MAP2K5: variants seen among roughly 807,000 people sequenced by gnomAD.
MAP2K5 encodes mitogen-activated protein kinase kinase 5.
Under a neutral mutation model 83.1 loss-of-function variants are expected in MAP2K5, and 49 were observed. The ratio of observed to expected loss-of-function variants is 0.59; its 90% confidence interval spans 0.47 to 0.75. The LOEUF is 0.75. MAP2K5 is among the 30% of genes least tolerant of loss of function. The probability of loss-of-function intolerance (pLI) is 0.00; values close to 1 mark genes in which losing one functional copy is unlikely to be tolerated. For missense variants in MAP2K5, 457 were observed against 557.5 expected (o/e 0.82, Z 1.82); for synonymous variants, 202 against 191.8 (o/e 1.05, Z -0.44).
At chr15:67,580,660 A>C (rs191319104) in intron 3 of MAP2K5, 94 bp from the exon 4 acceptor site, 337 of 798,872 alleles carry the variant, frequency 4.2e-4, no homozygotes, top group East Asian at 1.7e-3. Flanking sequence ...ATATACCAGC[A>C]ATTTACAAAA....
Position 67,748,165 on chromosome 15 carries a change from G to A in MAP2K5, c.1075-66G>A, listed in dbSNP as rs2089644876. 1 of 1,147,732 alleles carries A rather than the reference G, an allele frequency of 8.7e-7. No individual in the cohort carries two copies. Among genetic ancestry groups the A allele is most frequent in the Admixed American group, 1.8e-5 (1 of 54,454 alleles). 71.1% of individuals were successfully genotyped at this position (1,147,732 alleles called of 1,614,324 possible). ...AGCAATGCAATAATTTTCTCTCAGT[G>A]ATCATAATGTGTCCAAGTGAGTCAT... On this transcript the variant is annotated intron_variant, in intron 17 of 21. Coordinates refer to ENST00000178640, the MANE Select transcript of MAP2K5 (RefSeq NM_145160.3). This position sits in a 1 kb window ranked among gnomAD's most constrained non-coding sequence, Gnocchi z 4.0.
Position 67,636,422 on chromosome 15 carries a change from A to AG in MAP2K5, c.585+5496dup, listed in dbSNP as rs1456999233. Among the ~76,000 whole-genome samples, 3 of 151,738 alleles carry AG rather than the reference A, an allele frequency of 2.0e-5. No homozygotes were observed. Among genetic ancestry groups the AG allele is most frequent in the Non-Finnish European group, 4.4e-5 (3 of 67,932 alleles). On this transcript the variant is annotated intron_variant, in intron 9 of 21. Coordinates refer to ENST00000178640, the MANE Select transcript of MAP2K5 (RefSeq NM_145160.3). This position sits in a 1 kb window ranked among gnomAD's most constrained non-coding sequence, Gnocchi z 4.7. ...GACTCCGTCTCAAAAAAAAAAAAAA[A>AG]GTATGAAATATAGTTATAATAACTG...
intron 8 of MAP2K5, among the ~76,000 whole-genome samples, chr15:67,620,269 G>A (rs186891823): frequency 6.6e-6 from 1 of 152,266 alleles, no homozygotes; most frequent in Admixed American, 6.5e-5. Flanking sequence ...TATTCGGGAG[G>A]CTGAGGCAGG....
intron 1 of MAP2K5, 132 bp from the exon 2 acceptor site, chr15:67,549,902 A>T: frequency 1.5e-6 from 1 of 670,224 alleles, no homozygotes; most frequent in Non-Finnish European, 2.7e-6. Flanking sequence ...TGTGATTATG[A>T]GCTAATGTTT....
intron 5 of MAP2K5, 56 bp downstream of exon 5, chr15:67,585,986 C>A (rs763191987): frequency 1.5e-5 from 22 of 1,460,000 alleles, no homozygotes; most frequent in Non-Finnish European, 2.1e-5. Flanking sequence ...ATGCTGTGTT[C>A]CACTTATTGA....
Position 67,563,248 on chromosome 15 carries a change from A to C in MAP2K5, c.185-35A>C. The C allele has an allele frequency of 3.8e-6, 6 of 1,599,460 alleles. No homozygotes were observed. Among genetic ancestry groups the C allele is most frequent in the Non-Finnish European group, 5.1e-6 (6 of 1,175,456 alleles). ...TTCCCTTTGTGCATTAAACAAATGC[A>C]CACCTTATCATTTGCATTATGTGCT... On this transcript the variant is annotated intron_variant, in intron 2 of 21. Coordinates refer to ENST00000178640, the MANE Select transcript of MAP2K5 (RefSeq NM_145160.3). The surrounding 1 kb of genome is among the most constrained non-coding windows in gnomAD (Gnocchi z 4.5).
At chr15:67,549,019 A>C in intron 1 of MAP2K5, 1 of 1,449,166 alleles carries the variant, frequency 6.9e-7, no homozygotes, top group Non-Finnish European at 9.0e-7. Context: ...CACTCTGCTA[A>C]GTGCCCTGCT....
chr15:67,633,700 T>C (rs1379564016), intron 9 of MAP2K5, among the ~76,000 whole-genome samples: 1 of 152,222 alleles, frequency 6.6e-6, no homozygotes. Context: ...CTAGATTCTA[T>C]AAAATATAGT....
At chr15:67,784,299 G>A (rs2090378964) in intron 21 of MAP2K5, among the ~76,000 whole-genome samples, 1 of 152,226 alleles carries the variant, frequency 6.6e-6, no homozygotes, top group Admixed American at 6.5e-5. Flanking sequence ...TTGCATAGTA[G>A]GCAGAGGATT....
intron 9 of MAP2K5, chr15:67,642,582 G>C: frequency 1.2e-6 from 1 of 806,532 alleles, no homozygotes; most frequent in Non-Finnish European, 2.2e-6. Flanking sequence ...GGAGAAGAGA[G>C]AGGAAGCACA....
intron 15 of MAP2K5, among the ~76,000 whole-genome samples, chr15:67,694,559 A>G (rs2088198123): frequency 6.6e-6 from 1 of 152,190 alleles, no homozygotes; most frequent in Non-Finnish European, 1.5e-5. Context: ...CCACAATGAG[A>G]TACCATCTCA....
At position 67,573,431 on chromosome 15, in the gene MAP2K5, A is replaced by G. The variant is rs2084988266; in HGVS notation, c.253-7323A>G. ...GGGGCGGGAGTTGCCACACACTTTT[A>G]AACCATCAGATCTCGTGAGAATCCA... On this transcript the variant is annotated intron_variant, in intron 3 of 21. Transcript: ENST00000178640. This position sits in a 1 kb window ranked among gnomAD's most constrained non-coding sequence, Gnocchi z 4.2. Among the ~76,000 whole-genome samples, 1 of 152,042 alleles carries G rather than the reference A, an allele frequency of 6.6e-6. No individual in the cohort carries two copies. Among genetic ancestry groups the G allele is most frequent in the Non-Finnish European group, 1.5e-5 (1 of 68,000 alleles).
intron 16 of MAP2K5, among the ~76,000 whole-genome samples, chr15:67,718,796 T>C (rs543193829): frequency 6.6e-6 from 1 of 152,278 alleles, no homozygotes; most frequent in South Asian, 2.1e-4. Flanking sequence ...ATAGTAAGTG[T>C]ACATGTGTAT....
intron 6 of MAP2K5, among the ~76,000 whole-genome samples, chr15:67,590,484 T>TC (rs1555529592): frequency 2.1e-5 from 3 of 142,966 alleles, no homozygotes; most frequent in Non-Finnish European, 3.0e-5. Flanking sequence ...TCTTTGTTTC[T>TC]TTTTGAGACA....
chr15:67,548,431 A>G (rs140816025), intron 1 of MAP2K5, among the ~76,000 whole-genome samples: 25 of 152,362 alleles, frequency 1.6e-4, no homozygotes, highest in Admixed American at 1.5e-3. Context: ...TAAGCTTTGT[A>G]ATATTCCAGT....
Position 67,640,869 on chromosome 15 carries a change from T to C in MAP2K5, c.586-5362T>C, listed in dbSNP as rs183879055. 6.6e-6 allele frequency among the ~76,000 whole-genome samples: 1 copy of C among 152,332 alleles called. No individual in the cohort carries two copies. Among genetic ancestry groups the C allele is most frequent in the Non-Finnish European group, 1.5e-5 (1 of 68,024 alleles). ...TACCATGAATTTCTATTTTATACTA[T>C]TGAATTTAGAAAATGTTCTGCCTCA... On this transcript the variant is annotated intron_variant, in intron 9 of 21. Transcript: ENST00000178640. This position sits in a 1 kb window ranked among gnomAD's most constrained non-coding sequence, Gnocchi z 4.6.
In MAP2K5 at chr15:67,807,025, C is replaced by A; in HGVS notation, c.*275C>A. 1 of 1,331,604 alleles carries A rather than the reference C, an allele frequency of 7.5e-7. No homozygotes were observed. Among genetic ancestry groups the A allele is most frequent in the Non-Finnish European group, 9.9e-7 (1 of 1,007,082 alleles). 82.5% of individuals were successfully genotyped at this position (1,331,604 alleles called of 1,614,324 possible). On this transcript the variant is annotated 3_prime_UTR_variant, in exon 22 of 22. Coordinates refer to ENST00000178640, the MANE Select transcript of MAP2K5 (RefSeq NM_145160.3). The surrounding 1 kb of genome is among the most constrained non-coding windows in gnomAD (Gnocchi z 5.1). ...AGAATGGAGGCTCCCAGGGTCCCTGCCCACTTCTGTTTTCCTAATGTTTTT... is the reference window on the plus strand; with the variant it reads ...AGAATGGAGGCTCCCAGGGTCCCTGACCACTTCTGTTTTCCTAATGTTTTT...
rs1243650302 is a variant in MAP2K5, at chr15:67,780,421, C to T, written c.1242+7669C>T. Among the ~76,000 whole-genome samples, 1 of 152,178 alleles carries T rather than the reference C, an allele frequency of 6.6e-6. No individual in the cohort carries two copies. Among genetic ancestry groups the T allele is most frequent in the Non-Finnish European group, 1.5e-5 (1 of 68,034 alleles). ...CTTATAATTCAGTGCCTATCCTAGTCTGCTGTCATTTAGGCAAAACAGTGT... is the reference window on the plus strand; with the variant it reads ...CTTATAATTCAGTGCCTATCCTAGTTTGCTGTCATTTAGGCAAAACAGTGT... On this transcript the variant is annotated intron_variant, in intron 21 of 21. Transcript: ENST00000178640. This position sits in a 1 kb window ranked among gnomAD's most constrained non-coding sequence, Gnocchi z 5.0.
intron 13 of MAP2K5, among the ~76,000 whole-genome samples, chr15:67,666,134 C>G (rs1018766692): frequency 6.6e-6 from 1 of 152,096 alleles, no homozygotes; most frequent in Non-Finnish European, 1.5e-5. Flanking sequence ...CATGGAAATT[C>G]GAGTGTTGTT....
Sources: allele counts gnomAD v4.1 joint callset (sites outside exome capture counted in the v4.1 genomes callset), GRCh38; gene constraint gnomAD v4.1.1; non-coding constraint Gnocchi (gnomAD v3.1); transcripts MANE v1.5; gene names NCBI Gene and HGNC (gene_info 2026-07-23, HGNC 2026-07-21).